The following IQCM variants were observed in gnomAD, a reference collection of about 807,000 sequenced individuals.
IQCM encodes IQ motif containing M.
A neutral mutation model predicts 57.6 loss-of-function variants in IQCM; 45 were observed. The ratio of observed to expected loss-of-function variants is 0.78; its 90% CI spans 0.62 to 1.00. The LOEUF (loss-of-function observed/expected upper bound fraction) is 1.00, where lower values mean the gene tolerates loss of function less well. IQCM is among the 50% of genes least tolerant of loss of function. The probability of loss-of-function intolerance (pLI) is 0.00; values close to 1 mark genes in which losing one functional copy is unlikely to be tolerated. For synonymous variants in IQCM, 148 were observed against 158.9 expected (o/e 0.93, Z 0.51); for missense variants, 468 against 511.6 (o/e 0.91, Z 0.82).
intron 13 of IQCM, among the ~76,000 whole-genome samples, chr4:149,418,159 C>T (rs1403080334): frequency 8.3e-6 from 1 of 119,970 alleles, no homozygotes; most frequent in Non-Finnish European, 1.7e-5. Flanking sequence ...ATCAATGAAT[C>T]CAGGTTATGG....
chr4:149,474,850 G>A (rs551372057), intron 12 of IQCM, among the ~76,000 whole-genome samples: 31 of 152,216 alleles, frequency 2.0e-4, no homozygotes, highest in Non-Finnish European at 4.0e-4. Context: ...AGCATCCTAG[G>A]AAGAAGAAAC....
At chr4:149,653,482 T>TTA (rs144444984) in intron 7 of IQCM, among the ~76,000 whole-genome samples, 3,737 of 149,390 alleles carry the variant, frequency 0.025, 106 homozygotes, top group South Asian at 0.15. Context: ...TGTGCACATT[T>TTA]TATATATATA....
intron 12 of IQCM, among the ~76,000 whole-genome samples, chr4:149,520,137 T>A (rs1398676978): frequency 1.3e-5 from 2 of 152,114 alleles, no homozygotes; most frequent in Non-Finnish European, 2.9e-5. Flanking sequence ...AAAGTGCTTA[T>A]CTATAGCCCA....
chr4:149,665,874 C>T (rs1469435691), intron 7 of IQCM, among the ~76,000 whole-genome samples: 1 of 152,106 alleles, frequency 6.6e-6, no homozygotes, highest in Non-Finnish European at 1.5e-5. Context: ...CTTCCGGCCA[C>T]CACATTTCTC....
At chr4:149,546,188 G>A (rs1043363685) in intron 12 of IQCM, among the ~76,000 whole-genome samples, 8 of 152,108 alleles carry the variant, frequency 5.3e-5, no homozygotes, top group Admixed American at 3.9e-4. Flanking sequence ...TGGTGTATAT[G>A]TGCCACATTT....
chr4:149,498,327 A>G (rs1742882795), intron 12 of IQCM, among the ~76,000 whole-genome samples: 1 of 152,182 alleles, frequency 6.6e-6, no homozygotes. Flanking sequence ...TCTTGGACCA[A>G]AGAAAAAGGA....
chr4:149,407,317 T>A (rs541998909), intron 13 of IQCM, among the ~76,000 whole-genome samples: 3 of 152,290 alleles, frequency 2.0e-5, no homozygotes, highest in Admixed American at 6.5e-5. Context: ...CATTTTGAAA[T>A]TAATTTTTAA....
chr4:149,511,408 A>T (rs975060162), intron 12 of IQCM, among the ~76,000 whole-genome samples: 4 of 151,824 alleles, frequency 2.6e-5, no homozygotes, highest in African/African-American at 7.3e-5. Context: ...CATGTCTGTA[A>T]TCCCAGCTAC....
At position 149,542,108 on chromosome 4, in the gene IQCM, A is replaced by G. The variant is rs537825998; in HGVS notation, c.1228+6347T>C. On this transcript the variant is annotated intron_variant, in intron 12 of 13. Transcript: ENST00000636793. ...TTTTAGAATATCTCCTCCATTTTAA[A>G]TTAAATCTTCTTATGCATCAAAAAG... Among the ~76,000 whole-genome samples, 24 of 152,190 alleles carry G rather than the reference A, an allele frequency of 1.6e-4. No homozygotes were observed. The South Asian group carries it at 4.6e-3, about 29-fold the overall frequency.
At chr4:149,364,004 C>T (rs996371287) in intron 13 of IQCM, among the ~76,000 whole-genome samples, 8 of 152,052 alleles carry the variant, frequency 5.3e-5, no homozygotes, top group Non-Finnish European at 7.4e-5. Context: ...AAATATCAGA[C>T]AGAACCTAAA....
chr4:149,803,627 G>T (rs1354334787), intron 2 of IQCM, among the ~76,000 whole-genome samples: 1 of 151,904 alleles, frequency 6.6e-6, no homozygotes, highest in Non-Finnish European at 1.5e-5. Flanking sequence ...TTTTTTTAAA[G>T]CTGGACAGTT....
intron 12 of IQCM, among the ~76,000 whole-genome samples, chr4:149,518,781 G>A (rs1276679456): frequency 6.6e-6 from 1 of 151,796 alleles, no homozygotes; most frequent in African/African-American, 2.4e-5. Context: ...GCCAGACCAG[G>A]GAGAGAGAGA....
chr4:149,713,414 G>T (rs566978383), intron 5 of IQCM, among the ~76,000 whole-genome samples: 1 of 152,186 alleles, frequency 6.6e-6, no homozygotes, highest in South Asian at 2.1e-4. Context: ...TCCACCCTGT[G>T]GTGTTTGTAC....
At chr4:149,813,368 G>A (rs1160238408) in intron 2 of IQCM, among the ~76,000 whole-genome samples, 1 of 151,906 alleles carries the variant, frequency 6.6e-6, no homozygotes, top group Non-Finnish European at 1.5e-5. Context: ...GAACCCACAA[G>A]AATGGGAAGA....
chr4:149,532,765 GGGTATTAGCAGTGAACATGCAA>G (rs1433485143), intron 12 of IQCM, among the ~76,000 whole-genome samples: 1 of 152,110 alleles, frequency 6.6e-6, no homozygotes, highest in Non-Finnish European at 1.5e-5. Flanking sequence ...TTTATGAACT[GGGTATTAGCAGTGAACATGCAA>G]GGTATGGCCC....
At chr4:149,368,232 A>G (rs1290555214) in intron 13 of IQCM, among the ~76,000 whole-genome samples, 1 of 151,980 alleles carries the variant, frequency 6.6e-6, no homozygotes. Flanking sequence ...TTAAATAATT[A>G]ATTGTTTTGG....
chr4:149,797,954 A>AG (rs201632232), intron 2 of IQCM, among the ~76,000 whole-genome samples: 1 of 134,000 alleles, frequency 7.5e-6, no homozygotes, highest in Non-Finnish European at 1.7e-5. Flanking sequence ...CTTCAATCAG[A>AG]AAAAAAAAAG....
chr4:149,472,547 C>T (rs566277902), intron 12 of IQCM, among the ~76,000 whole-genome samples: 2 of 152,210 alleles, frequency 1.3e-5, no homozygotes, highest in African/African-American at 4.8e-5. Flanking sequence ...CCATACTGCC[C>T]AAGGTAATTT....
At chr4:149,435,304 C>T (rs1262219061) in intron 12 of IQCM, among the ~76,000 whole-genome samples, 1 of 151,964 alleles carries the variant, frequency 6.6e-6, no homozygotes, top group African/African-American at 2.4e-5. Flanking sequence ...TGCTGCATAA[C>T]AACATTTCAG....
Sources: allele counts gnomAD v4.1 joint callset (sites outside exome capture counted in the v4.1 genomes callset), GRCh38; gene constraint gnomAD v4.1.1; transcripts MANE v1.5; gene names NCBI Gene and HGNC (gene_info 2026-07-23, HGNC 2026-07-21).